The following CLPB variants were observed in gnomAD, a reference collection of about 807,000 sequenced individuals.
The protein encoded by CLPB is ClpB family mitochondrial disaggregase.
A neutral mutation model predicts 78.4 loss-of-function variants in CLPB; 40 were observed. That is an observed-to-expected ratio of 0.51 (90% CI 0.40 to 0.66). The LOEUF is 0.66. Ranked by LOEUF, CLPB falls within the 30% of genes least tolerant of loss-of-function variation. CLPB has a pLI of 0.00. For missense variants in CLPB, 780 were observed against 886.9 expected (o/e 0.88, Z 1.53); for synonymous variants, 333 against 348.0 (o/e 0.96, Z 0.48).
chr11:72,321,956 C>T (rs1191042501), intron 6 of CLPB, among the ~76,000 whole-genome samples: 1 of 137,212 alleles, frequency 7.3e-6, no homozygotes, highest in Non-Finnish European at 1.5e-5. Context: ...AAGGGGGTAA[C>T]AGATGAGATG....
intron 6 of CLPB, among the ~76,000 whole-genome samples, chr11:72,328,586 C>T (rs1950168838): frequency 6.6e-6 from 1 of 152,170 alleles, no homozygotes; most frequent in Non-Finnish European, 1.5e-5. Context: ...GGACTCAAGA[C>T]AGAGAATATT....
intron 3 of CLPB, among the ~76,000 whole-genome samples, chr11:72,393,400 CTACT>C (rs1220215910): frequency 6.6e-6 from 1 of 152,202 alleles, no homozygotes; most frequent in Non-Finnish European, 1.5e-5. Context: ...CAGCAGATAC[CTACT>C]TATTCACTAC....
chr11:72,295,377 A>C (rs561631094), intron 12 of CLPB, 115 bp downstream of exon 12: 30 of 1,104,066 alleles, frequency 2.7e-5, no homozygotes, highest in Admixed American at 4.6e-5. Flanking sequence ...TCAGCTAGGG[A>C]CAGAGCTGCC....
At chr11:72,301,408 C>T (rs1315265940) in intron 11 of CLPB, among the ~76,000 whole-genome samples, 1 of 152,212 alleles carries the variant, frequency 6.6e-6, no homozygotes, top group East Asian at 1.9e-4. Context: ...TTTGGGGCTT[C>T]TCTGATTCAG....
chr11:72,409,453 G>A (rs1224123313), intron 2 of CLPB, among the ~76,000 whole-genome samples: 2 of 151,762 alleles, frequency 1.3e-5, no homozygotes, highest in Non-Finnish European at 2.9e-5. Context: ...GCGTGGTGTC[G>A]GGCACCTGTA....
At chr11:72,365,635 A>G (rs931968730) in intron 4 of CLPB, among the ~76,000 whole-genome samples, 14 of 152,244 alleles carry the variant, frequency 9.2e-5, no homozygotes, top group African/African-American at 3.1e-4. Context: ...AGCCAAAGGT[A>G]TCAGACTACC....
intron 11 of CLPB, among the ~76,000 whole-genome samples, chr11:72,298,660 G>C (rs949147773): frequency 4.6e-5 from 7 of 152,308 alleles, no homozygotes; most frequent in Admixed American, 1.3e-4. Context: ...ACTATGCCCA[G>C]CTGATTTTTG....
At chr11:72,402,933 TA>T in intron 3 of CLPB, 32 bp downstream of exon 3, 1 of 1,591,412 alleles carries the variant, frequency 6.3e-7, no homozygotes. Flanking sequence ...GAGATCTGCC[TA>T]AAGGAGCCCT....
chr11:72,316,450 G>A (rs1334630768), intron 7 of CLPB, among the ~76,000 whole-genome samples: 1 of 152,224 alleles, frequency 6.6e-6, no homozygotes, highest in African/African-American at 2.4e-5. Context: ...GAACAAAGAT[G>A]AGGCCACTGT....
intron 4 of CLPB, among the ~76,000 whole-genome samples, chr11:72,379,551 C>T (rs916058263): frequency 6.6e-6 from 1 of 152,154 alleles, no homozygotes; most frequent in African/African-American, 2.4e-5. Flanking sequence ...TAGTGCAAAC[C>T]CAAACACCTG....
chr11:72,386,497 C>T (rs370644236), intron 3 of CLPB, among the ~76,000 whole-genome samples: 2 of 152,304 alleles, frequency 1.3e-5, no homozygotes, highest in Non-Finnish European at 1.5e-5. Flanking sequence ...TGGTTTCCCA[C>T]GTACCATTTG....
Position 72,286,230 on chromosome 11 carries a change from T to TTTTTTTTTTTTTTG in CLPB, c.*7136_*7137insCAAAAAAAAAAAAA, listed in dbSNP as rs1949388271. On this transcript the variant is annotated 3_prime_UTR_variant, in exon 16 of 16. Transcript: ENST00000538039. ...GTGTGAGATACTGCACCTGTTTTTT[T>TTTTTTTTTTTTTTG]TTTTTTTTTTTTTTTTAAGAGATAG... 2 of 134,076 alleles carry TTTTTTTTTTTTTTG rather than the reference T, an allele frequency of 1.5e-5. No individual in the cohort carries two copies. Among genetic ancestry groups the TTTTTTTTTTTTTTG allele is most frequent in the African/African-American group, 2.9e-5 (1 of 34,474 alleles). The allele number at this position is 134,076 out of a possible 1,614,324, so 8.3% of individuals were successfully genotyped here.
chr11:72,354,541 G>C (rs555330137), intron 5 of CLPB: 1 of 380,304 alleles, frequency 2.6e-6, no homozygotes, highest in Non-Finnish European at 4.6e-6. Context: ...TGAAGTATGA[G>C]GCTCCAGCCA....
At chr11:72,298,088 C>T (rs902613266) in intron 11 of CLPB, among the ~76,000 whole-genome samples, 2 of 152,150 alleles carry the variant, frequency 1.3e-5, no homozygotes, top group Admixed American at 6.6e-5. Context: ...CACTGTCTCA[C>T]GTATGACTCC....
Position 72,312,890 on chromosome 11 carries a change from C to CCATTTGTGCTGGCCTGA in CLPB, c.988+4199_988+4215dup, listed in dbSNP as rs1447542784. On this transcript the variant is annotated intron_variant, in intron 7 of 15. Transcript: ENST00000538039. This position sits in a 1 kb window ranked among gnomAD's most constrained non-coding sequence, Gnocchi z 4.2. ...TGCACAGAGGGAAGTATGGGAAGAG[C>CCATTTGTGCTGGCCTGA]CATTTGTGCTGGCCTGACATTTGTG... is the stretch of plus-strand genomic sequence containing the variant. Among the ~76,000 whole-genome samples, 7 of 152,096 alleles carry CCATTTGTGCTGGCCTGA rather than the reference C, an allele frequency of 4.6e-5. No individual in the cohort carries two copies. The highest frequency in any genetic ancestry group is 1.0e-4 in the Non-Finnish European group (7 of 68,010).
chr11:72,393,156 C>T (rs1855304269), intron 3 of CLPB, among the ~76,000 whole-genome samples: 1 of 152,180 alleles, frequency 6.6e-6, no homozygotes, highest in Admixed American at 6.5e-5. Context: ...CCCAATTTCA[C>T]ATCCTCAGCG....
At chr11:72,370,887 A>G (rs1168894134) in intron 4 of CLPB, among the ~76,000 whole-genome samples, 1 of 152,050 alleles carries the variant, frequency 6.6e-6, no homozygotes, top group East Asian at 1.9e-4. Context: ...TAGGACCTTC[A>G]AGGCTCTTCT....
At chr11:72,387,659 TAA>T (rs1222908564) in intron 3 of CLPB, among the ~76,000 whole-genome samples, 1 of 142,158 alleles carries the variant, frequency 7.0e-6, no homozygotes, top group African/African-American at 2.6e-5. Flanking sequence ...CCTGACACAT[TAA>T]AAAAAAAAAA....
At position 72,286,257 on chromosome 11, in the gene CLPB, G is replaced by C. The variant is rs544622130; in HGVS notation, c.*7110C>G. ...TTTTTTTTTTTTTTTAAGAGATAGG[G>C]TGTCACTCTGCCACCCAGCCTGGAG... On this transcript the variant is annotated 3_prime_UTR_variant, in exon 16 of 16. Coordinates refer to ENST00000538039, the MANE Select transcript of CLPB (RefSeq NM_001258392.3). 3 of 51,376 alleles carry C rather than the reference G, an allele frequency of 5.8e-5. No individual in the cohort carries two copies. The highest frequency in any genetic ancestry group is 1.4e-4 in the Non-Finnish European group (3 of 21,872). 3.2% of individuals were successfully genotyped at this position (51,376 alleles called of 1,614,324 possible).
Sources: allele counts gnomAD v4.1 joint callset (sites outside exome capture counted in the v4.1 genomes callset), GRCh38; gene constraint gnomAD v4.1.1; non-coding constraint Gnocchi (gnomAD v3.1); transcripts MANE v1.5; gene names NCBI Gene and HGNC (gene_info 2026-07-23, HGNC 2026-07-21).